The following MAML3 variants were observed in gnomAD, a reference collection of about 807,000 sequenced individuals.
The protein encoded by MAML3 is mastermind-like protein 3.
In MAML3, 27 loss-of-function variants were observed where a neutral mutation model predicts 101.9. That is an observed-to-expected ratio of 0.27 (90% confidence interval 0.20 to 0.37). MAML3 has a LOEUF of 0.37. Ranked by LOEUF, MAML3 falls within the 10% of genes least tolerant of loss-of-function variation. MAML3 has a pLI of 1.00. For synonymous variants in MAML3, 501 were observed against 555.9 expected, an observed-to-expected ratio of 0.90 and a Z score of 1.39; for missense variants, 1,316 against 1,444.9, an observed-to-expected ratio of 0.91 and a Z score of 1.45.
At chr4:139,902,802 T>G (rs577310877) in intron 1 of MAML3, among the ~76,000 whole-genome samples, 5 of 152,216 alleles carry the variant, frequency 3.3e-5, no homozygotes, top group African/African-American at 7.2e-5. Context: ...CACAGCCTCT[T>G]CCGCACAACC....
At chr4:139,941,430 G>A (rs956861634) in intron 1 of MAML3, among the ~76,000 whole-genome samples, 3 of 152,160 alleles carry the variant, frequency 2.0e-5, no homozygotes, top group Non-Finnish European at 2.9e-5. Context: ...GCTTTCAAGA[G>A]TACTTATGTT....
chr4:140,132,113 C>A (rs1380492166), intron 1 of MAML3, among the ~76,000 whole-genome samples: 4 of 152,228 alleles, frequency 2.6e-5, no homozygotes, highest in Non-Finnish European at 5.9e-5. Flanking sequence ...CCGGCCCACA[C>A]TCTGCAGCTT....
At chr4:139,796,943 C>G (rs993245375) in intron 2 of MAML3, among the ~76,000 whole-genome samples, 1 of 152,014 alleles carries the variant, frequency 6.6e-6, no homozygotes, top group African/African-American at 2.4e-5. Context: ...ACACAGAGAG[C>G]CATAAGTAGG....
At chr4:140,109,790 T>A (rs1037679235) in intron 1 of MAML3, among the ~76,000 whole-genome samples, 1 of 152,164 alleles carries the variant, frequency 6.6e-6, no homozygotes, top group African/African-American at 2.4e-5. Context: ...CCGGCAGTTA[T>A]AGGCCACCTG....
intron 2 of MAML3, among the ~76,000 whole-genome samples, chr4:139,807,138 C>A (rs1730715328): frequency 6.6e-6 from 1 of 152,162 alleles, no homozygotes; most frequent in African/African-American, 2.4e-5. Flanking sequence ...CAGTTTCTGC[C>A]ACTTGTTGGC....
At chr4:140,074,670 T>C (rs567836623) in intron 1 of MAML3, among the ~76,000 whole-genome samples, 2 of 152,282 alleles carry the variant, frequency 1.3e-5, no homozygotes, top group Admixed American at 6.5e-5. Context: ...TCATAGTATG[T>C]CATATTTTAG....
intron 2 of MAML3, among the ~76,000 whole-genome samples, chr4:139,844,386 C>A (rs1731408439): frequency 6.6e-6 from 1 of 152,178 alleles, no homozygotes; most frequent in South Asian, 2.1e-4. Flanking sequence ...AGATTGAAAT[C>A]AATTAGATGC....
intron 2 of MAML3, among the ~76,000 whole-genome samples, chr4:139,733,977 C>T (rs1691908695): frequency 6.6e-6 from 1 of 152,240 alleles, no homozygotes; most frequent in Non-Finnish European, 1.5e-5. Flanking sequence ...CAAGCATGAG[C>T]CACTGCTCCC....
At chr4:140,061,786 CA>C (rs1727451337) in intron 1 of MAML3, among the ~76,000 whole-genome samples, 1 of 152,122 alleles carries the variant, frequency 6.6e-6, no homozygotes. Flanking sequence ...CACTAACTGG[CA>C]AAAGGAACTG....
intron 1 of MAML3, among the ~76,000 whole-genome samples, chr4:140,003,984 C>T (rs1272164857): frequency 3.3e-5 from 5 of 152,222 alleles, no homozygotes; most frequent in Non-Finnish European, 2.9e-5. Context: ...AAGAGAATCA[C>T]TTAGAAAGCA....
At chr4:140,136,429 A>G (rs1299368978) in intron 1 of MAML3, among the ~76,000 whole-genome samples, 1 of 152,158 alleles carries the variant, frequency 6.6e-6, no homozygotes, top group African/African-American at 2.4e-5. Flanking sequence ...AATTTAACCC[A>G]GGGAGAAAGG....
chr4:139,876,534 C>A (rs1732118308), intron 2 of MAML3, among the ~76,000 whole-genome samples: 1 of 152,228 alleles, frequency 6.6e-6, no homozygotes, highest in African/African-American at 2.4e-5. Context: ...GTTCCAGGGC[C>A]TTCAATCACC....
At chr4:139,906,486 G>C (rs866469455) in intron 1 of MAML3, among the ~76,000 whole-genome samples, 5 of 152,222 alleles carry the variant, frequency 3.3e-5, no homozygotes, top group Non-Finnish European at 7.3e-5. Context: ...TGACTGCAGA[G>C]AGATGTACAG....
chr4:140,140,253 G>A (rs1217908914), intron 1 of MAML3, among the ~76,000 whole-genome samples: 1 of 152,154 alleles, frequency 6.6e-6, no homozygotes, highest in African/African-American at 2.4e-5. Flanking sequence ...GAACCCAGGA[G>A]GCAGAGGTTG....
At chr4:139,750,705 T>C (rs1300991201) in intron 2 of MAML3, among the ~76,000 whole-genome samples, 1 of 152,208 alleles carries the variant, frequency 6.6e-6, no homozygotes, top group East Asian at 1.9e-4. Flanking sequence ...GCTCAATTAC[T>C]TTCTTTGTAT....
chr4:140,048,372 C>T (rs1019689323), intron 1 of MAML3, among the ~76,000 whole-genome samples: 1 of 152,148 alleles, frequency 6.6e-6, no homozygotes, highest in Non-Finnish European at 1.5e-5. Context: ...AATAATAAAG[C>T]CATCTCCAAA....
chr4:140,008,433 G>A (rs1726493883), intron 1 of MAML3, among the ~76,000 whole-genome samples: 1 of 152,168 alleles, frequency 6.6e-6, no homozygotes, highest in African/African-American at 2.4e-5. Context: ...ACATGGTAAG[G>A]ACCAAGCATT....
rs1049614720 is a variant in MAML3 at position 139,843,291 on chromosome 4, G to A, written c.2079+46066C>T. 5.9e-5 allele frequency among the ~76,000 whole-genome samples: 9 copies of A among 152,182 alleles called. No homozygotes were observed. The South Asian group carries it at 6.2e-4, about 11-fold the overall frequency. ...AGCTCAGCATGCGAAGAAAGGTGAC[G>A]CCATCTATCTTTTGCCCAAAGCTGA... On this transcript the variant is annotated intron_variant, in intron 2 of 4. Coordinates refer to ENST00000509479, the MANE Select transcript of MAML3 (RefSeq NM_018717.5).
At chr4:139,946,764 C>T (rs563856136) in intron 1 of MAML3, among the ~76,000 whole-genome samples, 53 of 151,990 alleles carry the variant, frequency 3.5e-4, no homozygotes, top group Non-Finnish European at 6.5e-4. Context: ...CCTTCCTGGC[C>T]TCAGGGAGGT....
Sources: allele counts gnomAD v4.1 joint callset (sites outside exome capture counted in the v4.1 genomes callset), GRCh38; gene constraint gnomAD v4.1.1; transcripts MANE v1.5; gene names NCBI Gene and HGNC (gene_info 2026-07-23, HGNC 2026-07-21).